Variants in ZNF613 observed in about 807,000 individuals in gnomAD.
ZNF613 encodes zinc finger protein 613.
ZNF613 carries 8 observed loss-of-function variants against 14.3 expected under a neutral mutation model. The ratio of observed to expected loss-of-function variants is 0.56; its 90% CI spans 0.33 to 1.01. The LOEUF (loss-of-function observed/expected upper bound fraction) is 1.01, where lower values mean the gene tolerates loss of function less well. Ranked by LOEUF, ZNF613 falls within the 50% of genes least tolerant of loss-of-function variation. The pLI, the probability that ZNF613 is intolerant of heterozygous loss-of-function variation, is 0.03. For missense variants in ZNF613, 656 were observed against 741.9 expected (o/e 0.88, Z 1.35); for synonymous variants, 228 against 254.5 (o/e 0.90, Z 0.99).
intron 2 of ZNF613, among the ~76,000 whole-genome samples, chr19:51,931,266 T>C (rs1259567062): frequency 6.6e-6 from 1 of 152,216 alleles, no homozygotes; most frequent in Non-Finnish European, 1.5e-5. Context: ...AATGGAAGTA[T>C]TCAATGCAAA....
intron 5 of ZNF613, among the ~76,000 whole-genome samples, chr19:51,941,866 T>C (rs2085352855): frequency 1.3e-5 from 2 of 152,224 alleles, no homozygotes; most frequent in Non-Finnish European, 2.9e-5. Flanking sequence ...AGTCTCATTC[T>C]CTTTCCAACC....
At chr19:51,936,492 G>T (rs1312339682) in intron 3 of ZNF613, among the ~76,000 whole-genome samples, 1 of 152,012 alleles carries the variant, frequency 6.6e-6, no homozygotes, top group Non-Finnish European at 1.5e-5. Flanking sequence ...AATGATAAGG[G>T]TCTTTTTTTT....
At chr19:51,940,414 G>A in intron 4 of ZNF613, 79 bp downstream of exon 4, 1 of 1,608,410 alleles carries the variant, frequency 6.2e-7, no homozygotes, top group Non-Finnish European at 8.5e-7. Flanking sequence ...AAGCTCTGGA[G>A]GGCCTGTGGT....
Position 51,945,282 on chromosome 19 carries a change from C to T in ZNF613, c.1399C>T (p.His467Tyr), listed in dbSNP as rs753135232. The T allele has an allele frequency of 2.0e-5, 32 of 1,613,522 alleles. No individual in the cohort carries two copies. Among genetic ancestry groups the T allele is most frequent in the Non-Finnish European group, 2.7e-5 (32 of 1,179,860 alleles). Residue 467 changes from histidine to tyrosine, a missense_variant, in exon 6 of 6, where the codon CAC (histidine) becomes TAC (tyrosine). Coordinates refer to ENST00000293471, the MANE Select transcript of ZNF613 (RefSeq NM_001031721.4). ...VCTECGKSCS[H>Y]KSGLINHQRI... ...TACTGAGTGTGGAAAATCCTGCTCA[C>T]ACAAGTCAGGTCTCATTAACCACCA...
intron 1 of ZNF613, 66 bp downstream of exon 1, chr19:51,927,606 G>C (rs907145456): frequency 6.5e-6 from 1 of 152,962 alleles, no homozygotes; most frequent in Non-Finnish European, 1.5e-5. Flanking sequence ...CGTTTAGTGC[G>C]GAGCCGTGGA....
intron 3 of ZNF613, among the ~76,000 whole-genome samples, chr19:51,939,125 A>G (rs1185629022): frequency 6.6e-6 from 1 of 151,796 alleles, no homozygotes; most frequent in African/African-American, 2.4e-5. Flanking sequence ...CTGGTCTTTT[A>G]TATATTGCAT....
rs758575880 is a variant in ZNF613, at chr19:51,945,397, C to T, written c.1514C>T (p.Thr505Ile). The change falls in exon 6 of 6, where the codon ACT becomes ATT. Residue 505 changes from threonine (T) to isoleucine (I), a missense_variant. Thr to Ile is a moderately conservative substitution (Grantham distance 89). Coordinates refer to ENST00000293471, the MANE Select transcript of ZNF613 (RefSeq NM_001031721.4). Reference protein sequence around the residue: ...DKSCLNRHRRTHTGERPYGCS... With the variant: ...DKSCLNRHRRIHTGERPYGCS... ...TCATGTCTCAACAGACATCGGAGAA[C>T]TCATACAGGGGAGAGACCGTATGGA... is the stretch of plus-strand genomic sequence containing the variant. 6.2e-7 allele frequency: 1 copy of T among 1,613,640 alleles called. No individual in the cohort carries two copies. Among genetic ancestry groups the T allele is most frequent in the Non-Finnish European group, 8.5e-7 (1 of 1,179,710 alleles).
intron 2 of ZNF613, among the ~76,000 whole-genome samples, chr19:51,932,366 A>G (rs1310204675): frequency 7.0e-6 from 1 of 143,538 alleles, no homozygotes; most frequent in African/African-American, 2.7e-5. Flanking sequence ...CTAGAGTGCA[A>G]TGGCTTGATC....
At chr19:51,927,871 A>G (rs1405495010) in intron 1 of ZNF613, 2 of 151,544 alleles carry the variant, frequency 1.3e-5, no homozygotes, top group African/African-American at 4.9e-5. Flanking sequence ...TATTTTTGAG[A>G]CAGGGTCTCG....
Position 51,945,584 on chromosome 19 carries a change from C to G in ZNF613, c.1701C>G (p.Asp567Glu), listed in dbSNP as rs746549505. 1 of 1,614,130 alleles carries G rather than the reference C, an allele frequency of 6.2e-7. No individual in the cohort carries two copies. Among genetic ancestry groups the G allele is most frequent in the Non-Finnish European group, 8.5e-7 (1 of 1,180,002 alleles). ...SHTRDLIQDK[D>E]SVNMVTLQMP... Reference sequence around the variant, plus strand: ...CACGTGATCTCATACAGGATAAAGACTCTGTTAACATGGTGACTCTGCAGA... The same window carrying G: ...CACGTGATCTCATACAGGATAAAGAGTCTGTTAACATGGTGACTCTGCAGA... The change falls in exon 6 of 6, where the codon GAC (aspartate) becomes GAG (glutamate). Residue 567 changes from aspartate (D) to glutamate (E), a missense_variant. Physicochemically the swap from Asp to Glu is conservative, Grantham distance 45. Transcript: ENST00000293471.
intron 2 of ZNF613, among the ~76,000 whole-genome samples, chr19:51,935,306 G>A (rs935513783): frequency 6.6e-6 from 1 of 152,182 alleles, no homozygotes; most frequent in Non-Finnish European, 1.5e-5. Flanking sequence ...TATGACAGTG[G>A]CCATCTTCCA....
rs552089869 is a variant in ZNF613, at chr19:51,937,080, C to T, written c.15+845C>T. Among the ~76,000 whole-genome samples, 65 of 152,238 alleles carry T rather than the reference C, an allele frequency of 4.3e-4. 2 individuals are homozygous for T. Among genetic ancestry groups the T allele is most frequent in the Middle Eastern group, 6.8e-3 (2 of 294 alleles). The stretch of plus-strand genomic sequence containing the variant: ...TGCAGAGAGAGCATGGAAATTTATG[C>T]CCATACACCACCATACTGTGCCCTG... On this transcript the variant is annotated intron_variant, in intron 3 of 5. Transcript: ENST00000293471.
rs776034110 is a variant in ZNF613, at chr19:51,936,217, G to A, written c.-4G>A. 5 of 1,603,346 alleles carry A rather than the reference G, an allele frequency of 3.1e-6. No individual in the cohort carries two copies. The South Asian group carries it at 5.6e-5, about 18-fold the overall frequency. ...TACTGGCTATTTCCCAGTAACAAAA[G>A]AAAATGATCAAGTCCCAGGTGACTT... On this transcript the variant is annotated 5_prime_UTR_variant, in exon 3 of 6. Coordinates refer to ENST00000293471, the MANE Select transcript of ZNF613 (RefSeq NM_001031721.4).
rs775853201 is a variant in ZNF613, at chr19:51,945,825, T to C, written c.*88T>C. The stretch of plus-strand genomic sequence containing the variant: ...AAAAACACAGAGGAACAAACTGATA[T>C]ATTCAAGGTGGAAAGCCCTTGAATA... On this transcript the variant is annotated 3_prime_UTR_variant, in exon 6 of 6. Transcript: ENST00000293471. The C allele has an allele frequency of 1.8e-5, 26 of 1,453,468 alleles. No individual in the cohort carries two copies. The highest frequency in any genetic ancestry group is 2.2e-5 in the Non-Finnish European group (23 of 1,057,248). 90.0% of individuals were successfully genotyped at this position (1,453,468 alleles called of 1,614,324 possible).
intron 3 of ZNF613, among the ~76,000 whole-genome samples, chr19:51,939,341 T>G (rs1383377896): frequency 6.6e-6 from 1 of 152,010 alleles, no homozygotes; most frequent in Admixed American, 6.5e-5. Flanking sequence ...TTTATGTATT[T>G]ATTTTGAGAT....
rs970992625 is a variant in ZNF613, at chr19:51,944,595, G to C, written c.712G>C (p.Gly238Arg). Residue 238 changes from glycine to arginine, a missense_variant, in exon 6 of 6, where the codon GGG becomes CGG. Coordinates refer to ENST00000293471, the MANE Select transcript of ZNF613 (RefSeq NM_001031721.4). Reference protein sequence around the residue: ...GEKPHGCSICGKAFSRKSGLT... With the variant: ...GEKPHGCSICRKAFSRKSGLT... ...GAAACCTCATGGATGCAGTATATGT[G>C]GGAAAGCCTTCTCCAGAAAGTCCGG... 2 of 1,614,048 alleles carry C rather than the reference G, an allele frequency of 1.2e-6. No individual in the cohort carries two copies. The highest frequency in any genetic ancestry group is 2.7e-5 in the African/African-American group (2 of 74,920).
At chr19:51,943,390 C>T (rs1036837701) in intron 5 of ZNF613, among the ~76,000 whole-genome samples, 2 of 152,232 alleles carry the variant, frequency 1.3e-5, no homozygotes, top group Non-Finnish European at 2.9e-5. Flanking sequence ...CACCATCTTG[C>T]TCCATCCTGG....
chr19:51,940,716 TCAGGGTGAGAGCCAG>T lies in ZNF613; in HGVS notation c.235+10_235+24del. ...CACAGCCAAATCTGTCCAGGTGAGT[TCAGGGTGAGAGCCAG>T]CAAGGAGGGTGGCTGAGCAAGTCAC... On this transcript the variant is annotated splice_region_variant and intron_variant, in intron 5 of 5. Transcript: ENST00000293471. 1 of 1,608,750 alleles carries T rather than the reference TCAGGGTGAGAGCCAG, an allele frequency of 6.2e-7. No individual in the cohort carries two copies.
rs1025970266 is a variant in ZNF613 at position 51,946,517 on chromosome 19, A to G, written c.*780A>G. Reference sequence around the variant, plus strand: ...TATTTCAGACTACTGAAGCTCTTCAAAAGGAAAAATGTATTTAATTTAATA... The same window carrying G: ...TATTTCAGACTACTGAAGCTCTTCAGAAGGAAAAATGTATTTAATTTAATA... On this transcript the variant is annotated 3_prime_UTR_variant, in exon 6 of 6. Transcript: ENST00000293471. The G allele has an allele frequency of 2.0e-5, 3 of 152,250 alleles. No individual in the cohort carries two copies. Among genetic ancestry groups the G allele is most frequent in the Non-Finnish European group, 4.4e-5 (3 of 68,040 alleles). 9.4% of individuals were successfully genotyped at this position (152,250 alleles called of 1,614,324 possible). A position where few individuals can be genotyped will look rare whatever the true frequency, so the allele number is the denominator to read the frequency against.
Sources: gnomAD v4.1 joint callset for allele counts (sites outside exome capture counted in the v4.1 genomes callset) on GRCh38, gnomAD v4.1.1 for gene constraint, MANE v1.5 for transcripts, NCBI Gene and HGNC (gene_info 2026-07-23, HGNC 2026-07-21) for gene names.